SLC9A8: variants seen among roughly 807,000 people sequenced by gnomAD.
The protein encoded by SLC9A8 is solute carrier family 9 member A8, also known as sodium/hydrogen exchanger 8.
SLC9A8 carries 48 observed loss-of-function variants against 66.6 expected under a neutral mutation model. The ratio of observed to expected loss-of-function variants is 0.72; its 90% CI spans 0.57 to 0.92. SLC9A8 has a LOEUF of 0.92. Among genes scored for constraint, SLC9A8 ranks in the 40% least tolerant of loss-of-function variants. The pLI is 0.00. For synonymous variants in SLC9A8, 274 were observed against 282.6 expected, an observed-to-expected ratio of 0.97 and a Z score of 0.31; for missense variants, 599 against 747.3, an observed-to-expected ratio of 0.80 and a Z score of 2.31.
chr20:49,837,980 G>A (rs2087608032), intron 3 of SLC9A8, among the ~76,000 whole-genome samples: 1 of 152,012 alleles, frequency 6.6e-6, no homozygotes, highest in Non-Finnish European at 1.5e-5. Flanking sequence ...GAACAAAATA[G>A]CAAGTAGTAG....
chr20:49,830,182 T>G, intron 3 of SLC9A8: 1 of 777,110 alleles, frequency 1.3e-6, no homozygotes, highest in South Asian at 1.3e-5. Context: ...TCCACCTCCA[T>G]CCGGGCAGCT....
At chr20:49,869,837 A>T (rs2089142692) in intron 10 of SLC9A8, among the ~76,000 whole-genome samples, 1 of 152,038 alleles carries the variant, frequency 6.6e-6, no homozygotes, top group African/African-American at 2.4e-5. Context: ...ATCTCAAAAA[A>T]AAAAATAAAA....
chr20:49,843,496 A>G (rs927141845), intron 4 of SLC9A8, among the ~76,000 whole-genome samples: 13 of 152,212 alleles, frequency 8.5e-5, no homozygotes, highest in Non-Finnish European at 1.5e-4. Flanking sequence ...GCATTTTGAC[A>G]AAAAATCAGA....
chr20:49,867,844 G>T (rs777802197), intron 10 of SLC9A8, among the ~76,000 whole-genome samples: 2 of 152,184 alleles, frequency 1.3e-5, no homozygotes, highest in Non-Finnish European at 2.9e-5. Flanking sequence ...AAAGCTGAAG[G>T]CCCAGTGGTC....
chr20:49,881,006 C>T lies in SLC9A8; in HGVS notation c.1241C>T (p.Pro414Leu), dbSNP rs769415134. Residue 414 changes from proline to leucine, a missense_variant, in exon 13 of 16, where the codon CCG becomes CTG. By Grantham distance (98) the Pro-to-Leu change is moderately conservative. This residue lies in a region of SLC9A8 where 467 missense variants were observed against 626.5 expected (regional missense o/e 0.75). Transcript: ENST00000361573. ...LNFFRDHKIT[P>L]KMMFIMWFSG... ...TTCTTCCGGGATCATAAAATCACAC[C>T]GAAGATGATGTTCATCATGTGGTTT... is the stretch of plus-strand genomic sequence containing the variant. 138 of 1,613,022 alleles carry T rather than the reference C, an allele frequency of 8.6e-5. No homozygotes were observed. The highest frequency in any genetic ancestry group is 1.1e-4 in the Non-Finnish European group (133 of 1,179,150).
intron 11 of SLC9A8, among the ~76,000 whole-genome samples, chr20:49,876,019 A>G (rs620204): frequency 0.92 from 140,004 of 152,174 alleles, 64,556 homozygotes; most frequent in African/African-American, 0.97. Flanking sequence ...GATTACAGGC[A>G]TGAGCCACCG....
intron 3 of SLC9A8, among the ~76,000 whole-genome samples, chr20:49,834,108 G>A (rs1041992318): frequency 6.2e-5 from 9 of 146,054 alleles, no homozygotes; most frequent in African/African-American, 2.3e-4. Flanking sequence ...AATTAGCCGG[G>A]CGTGGTGGTG....
At chr20:49,884,283 A>ACACG (rs2089784864) in intron 14 of SLC9A8, 2 of 277,900 alleles carry the variant, frequency 7.2e-6, no homozygotes, top group Admixed American at 1.1e-4. Context: ...CGACACACAC[A>ACACG]CACACGACAC....
chr20:49,879,266 T>G (rs2089540858), intron 12 of SLC9A8, among the ~76,000 whole-genome samples: 1 of 152,206 alleles, frequency 6.6e-6, no homozygotes, highest in Non-Finnish European at 1.5e-5. Context: ...TCAGGTGGGT[T>G]ACAGTTCCTG....
chr20:49,882,377 G>C (rs2089659458), intron 13 of SLC9A8, among the ~76,000 whole-genome samples: 1 of 152,170 alleles, frequency 6.6e-6, no homozygotes, highest in Non-Finnish European at 1.5e-5. Flanking sequence ...CTACCTTCTG[G>C]CGAGGACCAC....
intron 7 of SLC9A8, 97 bp from the exon 8 acceptor site, chr20:49,855,341 T>C: frequency 8.1e-7 from 1 of 1,230,000 alleles, no homozygotes; most frequent in East Asian, 2.3e-5. Flanking sequence ...GCGTGTAGTA[T>C]TGCTTTCTGT....
chr20:49,857,984 G>A (rs180688044), intron 8 of SLC9A8, among the ~76,000 whole-genome samples: 2 of 152,142 alleles, frequency 1.3e-5, no homozygotes, highest in East Asian at 3.9e-4. Flanking sequence ...CCAAATTTAG[G>A]AAATACACAA....
chr20:49,831,092 G>A (rs2087165322), intron 3 of SLC9A8: 10 of 641,392 alleles, frequency 1.6e-5, no homozygotes, highest in African/African-American at 3.6e-5. Context: ...CTAAGCCGTC[G>A]GACCCCCCAC....
intron 5 of SLC9A8, among the ~76,000 whole-genome samples, chr20:49,845,514 C>G (rs1014220361): frequency 6.6e-6 from 1 of 152,182 alleles, no homozygotes; most frequent in Non-Finnish European, 1.5e-5. Flanking sequence ...TTGTTTCTTT[C>G]AGCTCCCCCA....
At chr20:49,842,518 A>C (rs2087809453) in intron 4 of SLC9A8, among the ~76,000 whole-genome samples, 2 of 152,204 alleles carry the variant, frequency 1.3e-5, no homozygotes, top group African/African-American at 4.8e-5. Flanking sequence ...CACGTTGGAG[A>C]GAGCCCTTAG....
rs367757922 is a variant in SLC9A8, at chr20:49,884,092, G to A, written c.1491+26G>A. 7.5e-6 allele frequency: 12 copies of A among 1,600,312 alleles called. No homozygotes were observed. The African/African-American group carries it at 1.2e-4, about 16-fold the overall frequency. ...GTTAGTACCATGCGCCTGTGGGGGT[G>A]GGGCAGGGGGCTGGCCTGCTACGCA... On this transcript the variant is annotated intron_variant, in intron 14 of 15. Transcript: ENST00000361573.
In SLC9A8 at chr20:49,888,802, C is replaced by T. The variant is rs533909721; in HGVS notation, c.*866C>T. 2.0e-5 allele frequency: 3 copies of T among 152,544 alleles called. No homozygotes were observed. The highest frequency in any genetic ancestry group is 1.9e-4 in the East Asian group (1 of 5,184). The allele number at this position is 152,544 out of a possible 1,614,324, so 9.4% of individuals were successfully genotyped here. A position where few individuals can be genotyped will look rare whatever the true frequency, so the allele number is the denominator to read the frequency against. ...ATCTGATCTCCCTCCCCACCATTCC[C>T]GTACTCAGTTGTTCTTTTGTCTAAT... On this transcript the variant is annotated 3_prime_UTR_variant, in exon 16 of 16. Coordinates refer to ENST00000361573, the MANE Select transcript of SLC9A8 (RefSeq NM_015266.3).
chr20:49,841,841 C>T (rs1174140718), intron 4 of SLC9A8, among the ~76,000 whole-genome samples: 1 of 151,868 alleles, frequency 6.6e-6, no homozygotes, highest in Non-Finnish European at 1.5e-5. Flanking sequence ...GTAATCCACC[C>T]ACCTTGTCCT....
chr20:49,883,706 G>A (rs1053903133), intron 13 of SLC9A8, 140 bp from the exon 14 acceptor site: 5 of 658,666 alleles, frequency 7.6e-6, no homozygotes, highest in Non-Finnish European at 1.3e-5. Flanking sequence ...AAGCCTCACA[G>A]GGTGAGCACA....
Sources: gnomAD v4.1 joint callset for allele counts (sites outside exome capture counted in the v4.1 genomes callset) on GRCh38, gnomAD v4.1.1 for gene constraint, gnomAD v4.1.1 regional missense constraint, MANE v1.5 for transcripts, NCBI Gene and HGNC (gene_info 2026-07-23, HGNC 2026-07-21) for gene names.